PVT1: variants seen among roughly 807,000 people sequenced by gnomAD.
The protein encoded by PVT1 is Pvt1 oncogene, also known as CXCR4/PVT1 fusion.
At chr8:127,911,104 C>T in intron 3 of PVT1, among the ~76,000 whole-genome samples, 1 of 152,152 alleles carries the variant, frequency 6.6e-6, no homozygotes, top group East Asian at 1.9e-4. Context: ...GACCTATAGA[C>T]TTCCACCTCC....
chr8:127,968,452 A>T (rs970743081), intron 3 of PVT1, among the ~76,000 whole-genome samples: 1 of 152,138 alleles, frequency 6.6e-6, no homozygotes, highest in Non-Finnish European at 1.5e-5. Flanking sequence ...ACTGACGTGG[A>T]TGCAGAACGT....
chr8:127,914,486 G>A (rs569549580), intron 3 of PVT1, among the ~76,000 whole-genome samples: 6 of 152,126 alleles, frequency 3.9e-5, no homozygotes, highest in East Asian at 1.9e-4. Context: ...AGTTGAAGGC[G>A]TATGTCCACA....
chr8:128,008,408 C>T (rs1817272697), intron 4 of PVT1, among the ~76,000 whole-genome samples: 3 of 152,192 alleles, frequency 2.0e-5, no homozygotes, highest in African/African-American at 7.2e-5. Context: ...ACCTTTCTTC[C>T]AATTTATCAA....
chr8:127,918,319 A>G (rs1816014050), intron 3 of PVT1, among the ~76,000 whole-genome samples: 1 of 152,314 alleles, frequency 6.6e-6, no homozygotes, highest in East Asian at 1.9e-4. Flanking sequence ...AGCCAGGGAA[A>G]GAGTGTGGAT....
chr8:128,042,437 G>A (rs1454693934), intron 4 of PVT1, among the ~76,000 whole-genome samples: 3 of 152,140 alleles, frequency 2.0e-5, no homozygotes, highest in Non-Finnish European at 4.4e-5. Flanking sequence ...AATGTGTTTG[G>A]ACCATCATAC....
At chr8:128,068,632 A>G (rs1813942551) in intron 4 of PVT1, among the ~76,000 whole-genome samples, 3 of 152,046 alleles carry the variant, frequency 2.0e-5, no homozygotes, top group African/African-American at 7.2e-5. Flanking sequence ...AGAAGCTGGG[A>G]TTACAGGTAC....
intron 4 of PVT1, among the ~76,000 whole-genome samples, chr8:128,004,513 G>A (rs1244431565): frequency 6.6e-6 from 1 of 152,066 alleles, no homozygotes; most frequent in African/African-American, 2.4e-5. Context: ...AAAGCCCGGG[G>A]CACAATCTCC....
At chr8:128,007,001 C>T (rs1817255282) in intron 4 of PVT1, among the ~76,000 whole-genome samples, 2 of 152,174 alleles carry the variant, frequency 1.3e-5, no homozygotes. Flanking sequence ...AGAACTATAA[C>T]CTGAATTTAA....
At chr8:127,924,484 C>A (rs1373308318) in intron 3 of PVT1, among the ~76,000 whole-genome samples, 2 of 150,734 alleles carry the variant, frequency 1.3e-5, no homozygotes, top group Non-Finnish European at 2.9e-5. Context: ...CAGGCACACA[C>A]CACCATGTCT....
intron 3 of PVT1, chr8:127,932,562 T>A: frequency 2.5e-6 from 1 of 398,634 alleles, no homozygotes; most frequent in Non-Finnish European, 4.4e-6. Flanking sequence ...CCCAGCCTGC[T>A]ATGGAAGCAT....
chr8:127,866,853 A>G (rs747332621), intron 2 of PVT1, among the ~76,000 whole-genome samples: 8 of 152,168 alleles, frequency 5.3e-5, no homozygotes, highest in Non-Finnish European at 1.2e-4. Flanking sequence ...CGCAGATGCT[A>G]CACATTATGC....
intron 2 of PVT1, among the ~76,000 whole-genome samples, chr8:127,829,148 G>A (rs1814823082): frequency 6.6e-6 from 1 of 152,060 alleles, no homozygotes; most frequent in Admixed American, 6.6e-5. Context: ...GTGGTGGCAG[G>A]TGCCTGTAAT....
intron 2 of PVT1, among the ~76,000 whole-genome samples, chr8:127,876,576 C>G (rs1815407542): frequency 6.6e-6 from 1 of 151,888 alleles, no homozygotes; most frequent in Admixed American, 6.6e-5. Flanking sequence ...CGTCCTTTAC[C>G]TTTCCCTGGA....
At chr8:128,076,771 C>T (rs764049854) in intron 5 of PVT1, among the ~76,000 whole-genome samples, 1 of 152,208 alleles carries the variant, frequency 6.6e-6, no homozygotes, top group African/African-American at 2.4e-5. Flanking sequence ...AATAGGTCAT[C>T]TCATGAACTG....
At chr8:128,066,644 A>G (rs1189054217) in intron 4 of PVT1, among the ~76,000 whole-genome samples, 1 of 152,180 alleles carries the variant, frequency 6.6e-6, no homozygotes, top group Non-Finnish European at 1.5e-5. Flanking sequence ...CTGGTAGGAA[A>G]GTGGGCTCTA....
intron 4 of PVT1, among the ~76,000 whole-genome samples, chr8:128,021,576 A>C (rs544323011): frequency 4.1e-4 from 63 of 152,156 alleles, no homozygotes; most frequent in African/African-American, 1.3e-3. Flanking sequence ...TACAGGCGTG[A>C]GCAACCGCGC....
intron 2 of PVT1, among the ~76,000 whole-genome samples, chr8:127,816,647 C>T (rs1814664043): frequency 6.6e-6 from 1 of 152,050 alleles, no homozygotes; most frequent in Non-Finnish European, 1.5e-5. Flanking sequence ...CCTCAGTCTC[C>T]TGAGTAGCTG....
chr8:127,943,980 G>T (rs950863822), intron 3 of PVT1, among the ~76,000 whole-genome samples: 1 of 152,208 alleles, frequency 6.6e-6, no homozygotes, highest in African/African-American at 2.4e-5. Context: ...AAAGAGGCAA[G>T]ATAGTCTAGT....
At chr8:127,860,783 A>AT (rs1815217174) in intron 2 of PVT1, among the ~76,000 whole-genome samples, 2 of 132,418 alleles carry the variant, frequency 1.5e-5, no homozygotes, top group Non-Finnish European at 3.5e-5. Context: ...AAAAAAAAAA[A>AT]AGGAGAAGAC....
Sources: allele counts gnomAD v4.1 joint callset (sites outside exome capture counted in the v4.1 genomes callset), GRCh38; gene constraint gnomAD v4.1.1; transcripts MANE v1.5; gene names NCBI Gene and HGNC (gene_info 2026-07-23, HGNC 2026-07-21).